The following OCA2 variants were observed in gnomAD, a reference collection of about 807,000 sequenced individuals.
OCA2 encodes the protein OCA2 melanosomal transmembrane protein.
In OCA2, 77 loss-of-function variants were observed where a neutral mutation model predicts 100.2. The ratio of observed to expected loss-of-function variants is 0.77; its 90% CI spans 0.64 to 0.93. OCA2 has a LOEUF of 0.93. Among genes scored for constraint, OCA2 ranks in the 40% least tolerant of loss-of-function variants. OCA2 has a pLI of 0.00. For missense variants in OCA2, 1,062 were observed against 1,089.1 expected (o/e 0.98, Z 0.35); for synonymous variants, 432 against 439.2 (o/e 0.98, Z 0.21).
intron 9 of OCA2, among the ~76,000 whole-genome samples, chr15:28,002,016 G>A (rs191017642): frequency 2.9e-4 from 44 of 152,290 alleles, no homozygotes; most frequent in African/African-American, 1.0e-3. Flanking sequence ...TGTTCAAGTA[G>A]GTCACTGACA....
At chr15:28,074,412 C>T (rs532238177) in intron 2 of OCA2, among the ~76,000 whole-genome samples, 4 of 152,104 alleles carry the variant, frequency 2.6e-5, no homozygotes, top group South Asian at 2.1e-4. Context: ...CGGTGGCTCA[C>T]GCCTGTAATC....
intron 9 of OCA2, among the ~76,000 whole-genome samples, chr15:28,002,877 A>C (rs1258350461): frequency 2.0e-5 from 3 of 152,202 alleles, no homozygotes. Context: ...TACACTCCAA[A>C]TTCAAATATC....
rs1452626789 is a variant in OCA2 at position 28,048,946 on chromosome 15, G to C, written c.228-16783C>G. 3.9e-5 allele frequency among the ~76,000 whole-genome samples: 6 copies of C among 152,246 alleles called. No individual in the cohort carries two copies. The East Asian group carries it at 5.8e-4, about 15-fold the overall frequency. On this transcript the variant is annotated intron_variant, in intron 2 of 23. Transcript: ENST00000354638. ...GAACCCGGGAGACAGAGATTGCAGTGAGCCATAATGACACCACTGCACTCC... is the reference window on the plus strand; with the variant it reads ...GAACCCGGGAGACAGAGATTGCAGTCAGCCATAATGACACCACTGCACTCC...
At chr15:27,965,953 C>CTGTT (rs112228806) in intron 15 of OCA2, among the ~76,000 whole-genome samples, 9,728 of 150,902 alleles carry the variant, frequency 0.064, 768 homozygotes, top group African/African-American at 0.19. Flanking sequence ...TCAGCATCTG[C>CTGTT]TGTTTGTTTG....
the OCA2 span, among the ~76,000 whole-genome samples, chr15:27,727,613 C>T: frequency 6.6e-6 from 1 of 152,316 alleles, no homozygotes; most frequent in East Asian, 1.9e-4. Flanking sequence ...CAAAAATACT[C>T]AGAAGGACAA....
At chr15:27,903,562 C>G (rs12439756) in intron 19 of OCA2, among the ~76,000 whole-genome samples, 52,768 of 152,166 alleles carry the variant, frequency 0.35, 9,511 homozygotes, top group Middle Eastern at 0.52. Flanking sequence ...AGAAGAAAAC[C>G]CTGGAAAGTC....
intron 1 of OCA2, among the ~76,000 whole-genome samples, chr15:28,085,826 AC>A (rs1206334543): frequency 6.6e-6 from 1 of 152,056 alleles, no homozygotes; most frequent in Non-Finnish European, 1.5e-5. Flanking sequence ...ACAACTAAAA[AC>A]CTGATGTTTA....
chr15:27,878,392 G>A (rs561430256), intron 19 of OCA2, among the ~76,000 whole-genome samples: 29 of 152,200 alleles, frequency 1.9e-4, no homozygotes, highest in African/African-American at 5.8e-4. Flanking sequence ...TATAGAGCAG[G>A]TCTGCTGGAA....
the OCA2 span, among the ~76,000 whole-genome samples, chr15:27,726,355 C>G: frequency 1.3e-5 from 2 of 150,794 alleles, no homozygotes; most frequent in Admixed American, 1.3e-4. Context: ...ATAGTTTAGA[C>G]TTTATGGGCC....
At chr15:27,887,672 C>T (rs2037286116) in intron 19 of OCA2, among the ~76,000 whole-genome samples, 3 of 146,372 alleles carry the variant, frequency 2.0e-5, no homozygotes, top group Admixed American at 1.4e-4. Flanking sequence ...TTATCAGCAG[C>T]ATGAAAATGG....
chr15:28,084,379 T>C (rs2044737803), intron 1 of OCA2, among the ~76,000 whole-genome samples: 1 of 152,236 alleles, frequency 6.6e-6, no homozygotes, highest in South Asian at 2.1e-4. Flanking sequence ...GCCATGTCCC[T>C]TCTCCAAGAC....
At chr15:28,015,009 C>T in intron 8 of OCA2, 80 bp from the exon 9 acceptor site, 1 of 1,445,336 alleles carries the variant, frequency 6.9e-7, no homozygotes. Flanking sequence ...ATGGCATTAA[C>T]CAGAGTGCAA....
At chr15:27,886,489 T>G (rs567741626) in intron 19 of OCA2, among the ~76,000 whole-genome samples, 2 of 152,178 alleles carry the variant, frequency 1.3e-5, no homozygotes, top group Non-Finnish European at 2.9e-5. Flanking sequence ...TATGATTTAG[T>G]ATATTTTTAA....
At chr15:28,027,593 G>C (rs1445120949) in intron 4 of OCA2, among the ~76,000 whole-genome samples, 3 of 152,092 alleles carry the variant, frequency 2.0e-5, no homozygotes, top group South Asian at 4.1e-4. Flanking sequence ...AAACCTAATG[G>C]CCATGAAGAC....
intron 2 of OCA2, among the ~76,000 whole-genome samples, chr15:28,044,139 T>C (rs2043281015): frequency 1.3e-5 from 2 of 152,242 alleles, no homozygotes; most frequent in Non-Finnish European, 2.9e-5. Context: ...TATATATGTG[T>C]ATGTGTACAA....
chr15:28,018,797 C>A (rs1472079836), intron 6 of OCA2, among the ~76,000 whole-genome samples: 2 of 152,212 alleles, frequency 1.3e-5, no homozygotes, highest in Non-Finnish European at 2.9e-5. Context: ...GTGCCCCCCA[C>A]ACCAGGGAAA....
At chr15:27,777,005 C>T (rs1386845391) in intron 23 of OCA2, among the ~76,000 whole-genome samples, 1 of 151,262 alleles carries the variant, frequency 6.6e-6, no homozygotes, top group Non-Finnish European at 1.5e-5. Context: ...TTGGAGAGCA[C>T]TTCCCCCCAC....
At chr15:27,770,847 TTC>T (rs2031719019) in intron 23 of OCA2, among the ~76,000 whole-genome samples, 2 of 96,150 alleles carry the variant, frequency 2.1e-5, no homozygotes, top group African/African-American at 1.2e-4. Flanking sequence ...CCTCTTTTCC[TTC>T]CTTCCTTTCT....
At chr15:27,915,403 T>C (rs1281004924) in intron 19 of OCA2, among the ~76,000 whole-genome samples, 1 of 152,094 alleles carries the variant, frequency 6.6e-6, no homozygotes, top group Non-Finnish European at 1.5e-5. Context: ...CAAAAGAAAC[T>C]ATCACCTCAG....
Sources: gnomAD v4.1 joint callset for allele counts (sites outside exome capture counted in the v4.1 genomes callset) on GRCh38, gnomAD v4.1.1 for gene constraint, MANE v1.5 for transcripts, NCBI Gene and HGNC (gene_info 2026-07-23, HGNC 2026-07-21) for gene names.